ELMO1: variants seen among roughly 807,000 people sequenced by gnomAD.
ELMO1 encodes engulfment and cell motility protein 1.
A neutral mutation model predicts 98.9 loss-of-function variants in ELMO1; 26 were observed. That is an observed-to-expected ratio of 0.26 (90% confidence interval 0.19 to 0.36). The LOEUF (loss-of-function observed/expected upper bound fraction) is 0.36, where lower values mean the gene tolerates loss of function less well. Ranked by LOEUF, ELMO1 falls within the 10% of genes least tolerant of loss-of-function variation. The probability of loss-of-function intolerance (pLI) is 1.00; values close to 1 mark genes in which losing one functional copy is unlikely to be tolerated. For missense variants in ELMO1, 627 were observed against 935.2 expected (o/e 0.67, Z 4.30); for synonymous variants, 346 against 346.0 (o/e 1.00, Z 0.00).
At chr7:36,898,589 A>T (rs1051697349) in intron 16 of ELMO1, among the ~76,000 whole-genome samples, 2 of 152,316 alleles carry the variant, frequency 1.3e-5, no homozygotes, top group Non-Finnish European at 2.9e-5. Flanking sequence ...AATGGAATCA[A>T]GCATTCTGGC....
Position 37,224,889 on chromosome 7 carries a change from G to A in ELMO1, c.691C>T (p.His231Tyr). ...TCTTGGCATGCTTACCCTTGCAGGTGTGGAATGAGCTGGCCGATGGTGATC... is the reference window on the plus strand; with the variant it reads ...TCTTGGCATGCTTACCCTTGCAGGTATGGAATGAGCTGGCCGATGGTGATC... ...QEITIGQLIP[H>Y]LQGSDQEIQT... The change falls in exon 9 of 22, where the codon CAC becomes TAC. Residue 231 changes from histidine to tyrosine, a missense_variant. His to Tyr is a moderately conservative substitution (Grantham distance 83, BLOSUM62 2). Around this residue, in one of 3 missense-constraint regions of ELMO1, gnomAD observed 492 missense variants for 715.6 expected, o/e 0.69. Transcript: ENST00000310758. 1 of 1,613,940 alleles carries A rather than the reference G, an allele frequency of 6.2e-7. No individual in the cohort carries two copies. Among genetic ancestry groups the A allele is most frequent in the Non-Finnish European group, 8.5e-7 (1 of 1,179,902 alleles).
At chr7:37,281,297 A>T (rs1797128614) in intron 4 of ELMO1, among the ~76,000 whole-genome samples, 1 of 152,092 alleles carries the variant, frequency 6.6e-6, no homozygotes, top group Admixed American at 6.6e-5. Flanking sequence ...TGCTTGGGTG[A>T]TGTGTACACC....
At chr7:36,907,977 T>C (rs566717375) in intron 16 of ELMO1, among the ~76,000 whole-genome samples, 1 of 152,350 alleles carries the variant, frequency 6.6e-6, no homozygotes, top group African/African-American at 2.4e-5. Context: ...CAGGTTTTCT[T>C]AGAAGTCCCA....
chr7:37,214,686 A>G (rs935515619), intron 11 of ELMO1, among the ~76,000 whole-genome samples: 1 of 152,200 alleles, frequency 6.6e-6, no homozygotes, highest in Non-Finnish European at 1.5e-5. Context: ...GATGGTTAGG[A>G]GCAAATCAAA....
rs146920808 is a variant in ELMO1 at position 36,962,850 on chromosome 7, T to C, written c.1437+50449A>G. On this transcript the variant is annotated intron_variant, in intron 16 of 21. Transcript: ENST00000310758. ...GGTATGTGTGTGACTCAGTGAGACA[T>C]AGAATCACAAATCACTGTTCTCCCC... Among the ~76,000 whole-genome samples, 70 of 152,242 alleles carry C rather than the reference T, an allele frequency of 4.6e-4. 1 individual carries two copies. Among genetic ancestry groups the C allele is most frequent in the East Asian group, 4.4e-3 (23 of 5,178 alleles).
intron 6 of ELMO1, among the ~76,000 whole-genome samples, chr7:37,256,325 G>C (rs1468891370): frequency 1.3e-5 from 2 of 151,872 alleles, no homozygotes; most frequent in Non-Finnish European, 2.9e-5. Flanking sequence ...CCTGTTTGTC[G>C]GTCTTCTCTG....
At chr7:36,860,190 G>C (rs565072659) in intron 21 of ELMO1, among the ~76,000 whole-genome samples, 1 of 152,240 alleles carries the variant, frequency 6.6e-6, no homozygotes, top group African/African-American at 2.4e-5. Flanking sequence ...TCAACAGTAG[G>C]CTACTGACAG....
intron 1 of ELMO1, among the ~76,000 whole-genome samples, chr7:37,366,904 A>G (rs1801924126): frequency 6.6e-6 from 1 of 152,250 alleles, no homozygotes; most frequent in Admixed American, 6.5e-5. Flanking sequence ...AAATCAGATA[A>G]CAGACTGATG....
chr7:37,277,503 C>G (rs549017903), intron 4 of ELMO1, among the ~76,000 whole-genome samples: 2 of 152,342 alleles, frequency 1.3e-5, no homozygotes, highest in South Asian at 4.1e-4. Flanking sequence ...AGACGGGACT[C>G]TTGAAAGGTA....
rs373704104 is a variant in ELMO1, at chr7:37,210,390, AAAG to A, written c.1086+993_1086+995del. The stretch of plus-strand genomic sequence containing the variant: ...AACACAGTAATATGAAAACATTTTC[AAAG>A]AATATTCCCATGAAAGACAAGCCTT... On this transcript the variant is annotated intron_variant, in intron 13 of 21. Coordinates refer to ENST00000310758, the MANE Select transcript of ELMO1 (RefSeq NM_014800.11). Among the ~76,000 whole-genome samples the A allele has an allele frequency of 2.6e-3, 389 of 152,190 alleles. 1 individual carries two copies. The highest frequency in any genetic ancestry group is 5.0e-3 in the East Asian group (26 of 5,188).
At chr7:37,172,467 C>A (rs145002912) in intron 13 of ELMO1, among the ~76,000 whole-genome samples, 1 of 152,276 alleles carries the variant, frequency 6.6e-6, no homozygotes, top group African/African-American at 2.4e-5. Flanking sequence ...TCCTTCATTT[C>A]ATTTCCTCCC....
intron 6 of ELMO1, among the ~76,000 whole-genome samples, chr7:37,253,790 T>C (rs1276960360): frequency 5.3e-5 from 8 of 151,354 alleles, no homozygotes; most frequent in Admixed American, 5.3e-4. Flanking sequence ...CTGAATCTCA[T>C]TATTCCTAAA....
At chr7:37,017,335 T>C (rs549326093) in intron 15 of ELMO1, among the ~76,000 whole-genome samples, 21 of 152,332 alleles carry the variant, frequency 1.4e-4, no homozygotes, top group Non-Finnish European at 2.8e-4. Flanking sequence ...AAAGGTCACA[T>C]TGAATGAGTG....
At chr7:37,179,829 T>C (rs542254497) in intron 13 of ELMO1, among the ~76,000 whole-genome samples, 1 of 152,260 alleles carries the variant, frequency 6.6e-6, no homozygotes, top group African/African-American at 2.4e-5. Flanking sequence ...GGTAGCGAGG[T>C]GCTTTTGCTT....
chr7:37,376,277 A>C (rs949778786), intron 1 of ELMO1, among the ~76,000 whole-genome samples: 10 of 152,168 alleles, frequency 6.6e-5, no homozygotes, highest in Non-Finnish European at 1.0e-4. Context: ...ACCTGACTCC[A>C]TCTTGCTTCG....
intron 4 of ELMO1, among the ~76,000 whole-genome samples, chr7:37,290,371 C>A (rs1191953822): frequency 6.6e-6 from 1 of 152,090 alleles, no homozygotes; most frequent in Non-Finnish European, 1.5e-5. Context: ...GTACACTAGT[C>A]ATATATAATC....
At chr7:36,965,168 T>C (rs765411369) in intron 16 of ELMO1, among the ~76,000 whole-genome samples, 33 of 152,108 alleles carry the variant, frequency 2.2e-4, no homozygotes, top group Non-Finnish European at 4.6e-4. Flanking sequence ...ATGAGTTCTC[T>C]CCCTAAGATC....
At chr7:36,986,098 C>A in intron 16 of ELMO1, 1 of 991,508 alleles carries the variant, frequency 1.0e-6, no homozygotes. Flanking sequence ...AACAGAGACC[C>A]GCCGCACACC....
intron 4 of ELMO1, among the ~76,000 whole-genome samples, chr7:37,305,594 T>C (rs745856129): frequency 1.3e-5 from 2 of 152,220 alleles, no homozygotes; most frequent in Non-Finnish European, 2.9e-5. Flanking sequence ...ACTCTACAAT[T>C]TCTCCACTGT....
Sources: gnomAD v4.1 joint callset for allele counts (sites outside exome capture counted in the v4.1 genomes callset) on GRCh38, gnomAD v4.1.1 for gene constraint, gnomAD v4.1.1 regional missense constraint, MANE v1.5 for transcripts, NCBI Gene and HGNC (gene_info 2026-07-23, HGNC 2026-07-21) for gene names.